The following CDH12 variants were observed in gnomAD, a reference collection of about 807,000 sequenced individuals.
CDH12 encodes cadherin-12.
CDH12 carries 41 observed loss-of-function variants against 74.1 expected under a neutral mutation model. The ratio of observed to expected loss-of-function variants is 0.55; its 90% CI spans 0.43 to 0.72. CDH12 has a LOEUF of 0.72. Ranked by LOEUF, CDH12 falls within the 30% of genes least tolerant of loss-of-function variation. The pLI is 0.00. For missense variants in CDH12, 945 were observed against 977.2 expected, an observed-to-expected ratio of 0.97 and a Z score of 0.44; for synonymous variants, 399 against 355.0, an observed-to-expected ratio of 1.12 and a Z score of -1.39.
chr5:22,428,195 G>GTA (rs551312354), intron 2 of CDH12, among the ~76,000 whole-genome samples: 3 of 65,336 alleles, frequency 4.6e-5, no homozygotes, highest in South Asian at 5.2e-4. Flanking sequence ...ACACACATAT[G>GTA]TATATATATA....
intron 2 of CDH12, among the ~76,000 whole-genome samples, chr5:22,492,599 AG>A (rs1746927183): frequency 6.6e-6 from 1 of 152,102 alleles, no homozygotes; most frequent in Non-Finnish European, 1.5e-5. Flanking sequence ...CACATGCCTC[AG>A]CCTCCCAAAG....
In CDH12 at chr5:22,537,594, C is replaced by T. The variant is rs1257488876; in HGVS notation, c.-522-32230G>A. 5.3e-5 allele frequency among the ~76,000 whole-genome samples: 8 copies of T among 152,216 alleles called. No homozygotes were observed. The South Asian group carries it at 6.2e-4, about 12-fold the overall frequency. ...GCCCTGAGATAACCTCCCCTCTGGCCGGAGAGATGTCAGCCCCAAAATAAC... is the reference window on the plus strand; with the variant it reads ...GCCCTGAGATAACCTCCCCTCTGGCTGGAGAGATGTCAGCCCCAAAATAAC... On this transcript the variant is annotated intron_variant, in intron 1 of 14. Transcript: ENST00000382254.
At chr5:21,815,350 C>G (rs554040089) in intron 9 of CDH12, among the ~76,000 whole-genome samples, 1 of 152,186 alleles carries the variant, frequency 6.6e-6, no homozygotes, top group East Asian at 1.9e-4. Context: ...AATGGCTGAA[C>G]TAAATGAGCT....
intron 1 of CDH12, among the ~76,000 whole-genome samples, chr5:22,681,415 C>A (rs944443461): frequency 6.6e-6 from 1 of 151,830 alleles, no homozygotes; most frequent in Non-Finnish European, 1.5e-5. Flanking sequence ...AAGCATTTTG[C>A]TAAGTTCCAT....
chr5:22,791,582 G>A (rs1389629090), intron 1 of CDH12, among the ~76,000 whole-genome samples: 2 of 152,148 alleles, frequency 1.3e-5, no homozygotes. Context: ...CATAGTAACT[G>A]TATTAGTCTG....
At chr5:21,984,614 T>G (rs1238430377) in intron 5 of CDH12, among the ~76,000 whole-genome samples, 2 of 152,140 alleles carry the variant, frequency 1.3e-5, no homozygotes, top group Non-Finnish European at 2.9e-5. Context: ...TCTATGCCAC[T>G]CCCTCCCATC....
intron 1 of CDH12, among the ~76,000 whole-genome samples, chr5:22,734,234 C>T (rs1198313624): frequency 2.0e-5 from 3 of 151,906 alleles, no homozygotes; most frequent in African/African-American, 4.8e-5. Flanking sequence ...TATTATTGAT[C>T]GCCAACTGAT....
rs554259039 is a variant in CDH12 at position 22,408,441 on chromosome 5, A to G, written c.-427-3090T>C. The stretch of plus-strand genomic sequence containing the variant: ...GTGCATGTTTTTCTTAGTCAAACTC[A>G]GTTTTAAGACATTCTTCAAAATATC... On this transcript the variant is annotated intron_variant, in intron 2 of 14. Transcript: ENST00000382254. Among the ~76,000 whole-genome samples, 101 of 151,260 alleles carry G rather than the reference A, an allele frequency of 6.7e-4. 1 individual carries two copies. The highest frequency in any genetic ancestry group is 6.4e-3 in the South Asian group (31 of 4,828).
chr5:22,492,566 C>G (rs1434499039), intron 2 of CDH12, among the ~76,000 whole-genome samples: 2 of 152,088 alleles, frequency 1.3e-5, no homozygotes, highest in African/African-American at 4.8e-5. Context: ...AGGCTGGTCG[C>G]AAACTCCTGA....
intron 1 of CDH12, among the ~76,000 whole-genome samples, chr5:22,680,419 T>C (rs1741431289): frequency 6.6e-6 from 1 of 152,108 alleles, no homozygotes; most frequent in Admixed American, 6.6e-5. Flanking sequence ...AATAATACAT[T>C]GTATCTTCTC....
At chr5:22,433,381 C>T (rs1320947192) in intron 2 of CDH12, among the ~76,000 whole-genome samples, 1 of 151,802 alleles carries the variant, frequency 6.6e-6, no homozygotes, top group African/African-American at 2.4e-5. Context: ...TTTTTGAATC[C>T]TAAAAAAATC....
At chr5:22,223,599 A>T (rs900052896) in intron 3 of CDH12, among the ~76,000 whole-genome samples, 1 of 152,036 alleles carries the variant, frequency 6.6e-6, no homozygotes, top group Non-Finnish European at 1.5e-5. Context: ...TACAAAATGC[A>T]TACAGGACTT....
intron 1 of CDH12, among the ~76,000 whole-genome samples, chr5:22,586,815 A>G (rs1056061981): frequency 6.7e-6 from 1 of 149,792 alleles, no homozygotes; most frequent in Non-Finnish European, 1.5e-5. Context: ...ATAATCCCCA[A>G]TGCAACAGAG....
chr5:22,090,606 T>TACATAC (rs368500273), intron 4 of CDH12, among the ~76,000 whole-genome samples: 2 of 147,574 alleles, frequency 1.4e-5, no homozygotes, highest in African/African-American at 4.9e-5. Context: ...CATACATACA[T>TACATAC]ACACACACAC....
intron 8 of CDH12, among the ~76,000 whole-genome samples, chr5:21,826,531 G>A (rs1011176153): frequency 1.3e-5 from 2 of 152,032 alleles, no homozygotes; most frequent in African/African-American, 4.8e-5. Flanking sequence ...CCTGCTAACT[G>A]GTCTTCTGAC....
intron 1 of CDH12, among the ~76,000 whole-genome samples, chr5:22,832,341 T>C (rs562389916): frequency 3.9e-5 from 6 of 152,310 alleles, no homozygotes; most frequent in Middle Eastern, 6.8e-3. Flanking sequence ...AATATATCTG[T>C]AAATATTGGG....
chr5:22,757,528 C>A (rs1267820198), intron 1 of CDH12, among the ~76,000 whole-genome samples: 1 of 151,988 alleles, frequency 6.6e-6, no homozygotes, highest in Non-Finnish European at 1.5e-5. Flanking sequence ...GTTATTTGCC[C>A]ATGCTCAGGT....
At chr5:22,344,273 T>C (rs1168884457) in intron 3 of CDH12, among the ~76,000 whole-genome samples, 4 of 152,196 alleles carry the variant, frequency 2.6e-5, no homozygotes, top group Non-Finnish European at 5.9e-5. Flanking sequence ...GTTTGTTTTC[T>C]TGTTGCATTA....
chr5:22,069,740 T>C (rs1741813667), intron 5 of CDH12, among the ~76,000 whole-genome samples: 1 of 152,250 alleles, frequency 6.6e-6, no homozygotes, highest in South Asian at 2.1e-4. Flanking sequence ...GGAAATTGGA[T>C]TGACACCCCA....
Sources: allele counts gnomAD v4.1 joint callset (sites outside exome capture counted in the v4.1 genomes callset), GRCh38; gene constraint gnomAD v4.1.1; transcripts MANE v1.5; gene names NCBI Gene and HGNC (gene_info 2026-07-23, HGNC 2026-07-21).